Variants in RFC3 observed in about 807,000 individuals in gnomAD.
RFC3 encodes the protein A1 38 kDa subunit.
In RFC3, 41 loss-of-function variants were observed where a neutral mutation model predicts 45.1. That is an observed-to-expected ratio of 0.91 (90% CI 0.71 to 1.18). The LOEUF (loss-of-function observed/expected upper bound fraction) is 1.18, where lower values mean the gene tolerates loss of function less well. RFC3 is among the 50% of genes most tolerant of loss of function. RFC3 has a pLI of 0.00. For synonymous variants in RFC3, 149 were observed against 144.0 expected (o/e 1.03, Z -0.25); for missense variants, 423 against 428.1 (o/e 0.99, Z 0.10).
intron 8 of RFC3, chr13:33,846,707 A>G (rs1201593917): frequency 6.7e-6 from 1 of 148,180 alleles, no homozygotes; most frequent in African/African-American, 2.5e-5. Flanking sequence ...TGTGGCGTAG[A>G]CTGCTATTCA....
intron 8 of RFC3, among the ~76,000 whole-genome samples, chr13:33,945,344 A>G (rs1042845959): frequency 6.6e-6 from 1 of 152,234 alleles, no homozygotes; most frequent in Non-Finnish European, 1.5e-5. Context: ...AGACTTCAAA[A>G]TATCCTTACG....
At chr13:33,856,461 C>G (rs961510742) in intron 8 of RFC3, among the ~76,000 whole-genome samples, 3 of 152,090 alleles carry the variant, frequency 2.0e-5, no homozygotes, top group Admixed American at 2.0e-4. Context: ...TGTAACAAAC[C>G]TGCACATGTA....
chr13:33,862,388 G>A (rs1388240678), intron 8 of RFC3, among the ~76,000 whole-genome samples: 1 of 151,210 alleles, frequency 6.6e-6, no homozygotes, highest in South Asian at 2.1e-4. Context: ...TGAAGAAAAC[G>A]CTTAGAGATT....
chr13:33,881,416 AC>A (rs1413232381), intron 8 of RFC3, among the ~76,000 whole-genome samples: 2 of 151,948 alleles, frequency 1.3e-5, no homozygotes, highest in Non-Finnish European at 2.9e-5. Context: ...CACAGTACCT[AC>A]CCCCAGGATG....
intron 8 of RFC3, among the ~76,000 whole-genome samples, chr13:33,902,942 C>T (rs112328981): frequency 0.031 from 4,671 of 151,976 alleles, 140 homozygotes; most frequent in African/African-American, 0.07. Flanking sequence ...AAAAAGATCC[C>T]GTAATGTTTT....
the RFC3 span, among the ~76,000 whole-genome samples, chr13:33,976,899 A>T: frequency 6.6e-6 from 1 of 152,170 alleles, no homozygotes; most frequent in Non-Finnish European, 1.5e-5. Context: ...GTAACTTAAT[A>T]GAGGAGAAAC....
intron 8 of RFC3, among the ~76,000 whole-genome samples, chr13:33,901,635 G>A (rs556828863): frequency 1.3e-5 from 2 of 152,166 alleles, no homozygotes; most frequent in South Asian, 4.1e-4. Context: ...GATCAGTAGG[G>A]TGACTATAGT....
intron 8 of RFC3, among the ~76,000 whole-genome samples, chr13:33,867,834 C>G (rs1338262487): frequency 6.6e-6 from 1 of 152,212 alleles, no homozygotes; most frequent in Non-Finnish European, 1.5e-5. Context: ...ATATTTCCTT[C>G]TTTACCACGT....
At chr13:33,971,821 A>G in the RFC3 span, among the ~76,000 whole-genome samples, 1 of 152,230 alleles carries the variant, frequency 6.6e-6, no homozygotes, top group African/African-American at 2.4e-5. Context: ...GTTTACTTTA[A>G]AAATTCCTGG....
At chr13:33,913,934 C>T (rs1371601486) in intron 8 of RFC3, among the ~76,000 whole-genome samples, 2 of 151,990 alleles carry the variant, frequency 1.3e-5, no homozygotes, top group African/African-American at 2.4e-5. Context: ...AAACCATAAC[C>T]ATGTAATTTT....
intron 8 of RFC3, among the ~76,000 whole-genome samples, chr13:33,890,262 T>A (rs1255367379): frequency 6.6e-6 from 1 of 151,810 alleles, no homozygotes; most frequent in Non-Finnish European, 1.5e-5. Flanking sequence ...AATTTATGAG[T>A]TCAGTCATTT....
intron 8 of RFC3, among the ~76,000 whole-genome samples, chr13:33,904,943 C>G (rs1163286323): frequency 4.0e-5 from 6 of 151,890 alleles, no homozygotes; most frequent in Non-Finnish European, 8.8e-5. Context: ...ACGCATTTAG[C>G]AAAACTGTAG....
chr13:33,839,981 A>G (rs771639852), downstream of RFC3, among the ~76,000 whole-genome samples: 3 of 152,114 alleles, frequency 2.0e-5, no homozygotes, highest in Non-Finnish European at 4.4e-5. Flanking sequence ...AGAGATATGT[A>G]GTCATCATAT....
intron 8 of RFC3, among the ~76,000 whole-genome samples, chr13:33,901,261 T>C (rs2082640097): frequency 6.6e-6 from 1 of 152,050 alleles, no homozygotes; most frequent in African/African-American, 2.4e-5. Flanking sequence ...TGCAACCCTA[T>C]TTACAATAAC....
At chr13:33,865,861 C>G (rs2082370003) in intron 8 of RFC3, among the ~76,000 whole-genome samples, 2 of 152,122 alleles carry the variant, frequency 1.3e-5, no homozygotes, top group African/African-American at 4.8e-5. Flanking sequence ...CCAGACCAGC[C>G]TGACCAACAT....
At chr13:33,823,507 C>A (rs1011699897) in intron 2 of RFC3, among the ~76,000 whole-genome samples, 2 of 152,028 alleles carry the variant, frequency 1.3e-5, no homozygotes, top group African/African-American at 4.8e-5. Context: ...AACACAGAGA[C>A]GTGTATGATT....
At chr13:33,881,604 G>A (rs762900708) in intron 8 of RFC3, among the ~76,000 whole-genome samples, 2 of 151,878 alleles carry the variant, frequency 1.3e-5, no homozygotes, top group Non-Finnish European at 2.9e-5. Flanking sequence ...GTCTCCTCTC[G>A]GGGGCTATTT....
At chr13:33,914,007 A>G (rs2082718355) in intron 8 of RFC3, among the ~76,000 whole-genome samples, 1 of 151,806 alleles carries the variant, frequency 6.6e-6, no homozygotes, top group African/African-American at 2.4e-5. Flanking sequence ...ATTACTGGGG[A>G]AACAGATGGC....
chr13:33,858,101 G>A (rs909872407), intron 8 of RFC3, among the ~76,000 whole-genome samples: 1 of 152,190 alleles, frequency 6.6e-6, no homozygotes. Flanking sequence ...GAGCGGAAGG[G>A]ACCAGATCAT....
Sources: gnomAD v4.1 joint callset for allele counts (sites outside exome capture counted in the v4.1 genomes callset) on GRCh38, gnomAD v4.1.1 for gene constraint, MANE v1.5 for transcripts, NCBI Gene and HGNC (gene_info 2026-07-23, HGNC 2026-07-21) for gene names.